Variants in NAALADL2 observed in about 807,000 individuals in gnomAD.
NAALADL2 encodes N-acetylated alpha-linked acidic dipeptidase like 2.
A neutral mutation model predicts 87.2 loss-of-function variants in NAALADL2; 76 were observed. That is an observed-to-expected ratio of 0.87 (90% CI 0.72 to 1.05). The LOEUF (loss-of-function observed/expected upper bound fraction) is 1.05. Ranked by LOEUF, NAALADL2 falls within the 50% of genes least tolerant of loss-of-function variation. The probability of loss-of-function intolerance (pLI) is 0.00; values close to 1 mark genes in which losing one functional copy is unlikely to be tolerated. For synonymous variants in NAALADL2, 354 were observed against 331.0 expected (o/e 1.07, Z -0.75); for missense variants, 1,089 against 945.8 (o/e 1.15, Z -1.99).
intron 11 of NAALADL2, among the ~76,000 whole-genome samples, chr3:175,660,910 A>G (rs796557860): frequency 4.6e-5 from 7 of 152,152 alleles, no homozygotes; most frequent in African/African-American, 1.7e-4. Flanking sequence ...CTGTTGATGG[A>G]CACTTGATTC....
chr3:175,442,648 C>T (rs945077925), intron 5 of NAALADL2, among the ~76,000 whole-genome samples: 6 of 152,160 alleles, frequency 3.9e-5, no homozygotes, highest in African/African-American at 1.2e-4. Context: ...CCAATTTTCT[C>T]ATTATACTAT....
chr3:175,203,572 C>A (rs1405154831), intron 2 of NAALADL2, among the ~76,000 whole-genome samples: 2 of 151,898 alleles, frequency 1.3e-5, no homozygotes, highest in Non-Finnish European at 2.9e-5. Context: ...TTTGTTCTTG[C>A]AGTTGATCTG....
chr3:175,686,788 A>G (rs1736357727), intron 11 of NAALADL2, among the ~76,000 whole-genome samples: 1 of 152,156 alleles, frequency 6.6e-6, no homozygotes, highest in Non-Finnish European at 1.5e-5. Flanking sequence ...TGCAAAATAT[A>G]TTGCTTAAAC....
chr3:175,046,573 A>G (rs1386133653), intron 1 of NAALADL2, among the ~76,000 whole-genome samples: 2 of 152,186 alleles, frequency 1.3e-5, no homozygotes, highest in East Asian at 3.9e-4. Context: ...GAAGTTTCTC[A>G]GAGGATAATG....
intron 1 of NAALADL2, among the ~76,000 whole-genome samples, chr3:175,041,967 A>G (rs1197322877): frequency 2.0e-5 from 3 of 152,220 alleles, no homozygotes; most frequent in East Asian, 1.9e-4. Context: ...TTATATTTCA[A>G]CTGTACAAAA....
chr3:175,195,940 A>C (rs1471776937), intron 2 of NAALADL2, among the ~76,000 whole-genome samples: 1 of 151,880 alleles, frequency 6.6e-6, no homozygotes, highest in Non-Finnish European at 1.5e-5. Flanking sequence ...TGACCCACTG[A>C]TCTAGAGACT....
At chr3:175,134,819 T>G (rs2108672026) in intron 2 of NAALADL2, among the ~76,000 whole-genome samples, 1 of 152,322 alleles carries the variant, frequency 6.6e-6, no homozygotes, top group East Asian at 1.9e-4. Context: ...CTACCTTCTT[T>G]GTCTTGGCTC....
At chr3:174,946,425 T>C (rs561855571) in intron 1 of NAALADL2, among the ~76,000 whole-genome samples, 12 of 152,232 alleles carry the variant, frequency 7.9e-5, no homozygotes, top group Admixed American at 7.9e-4. Flanking sequence ...TTGGCCAAAG[T>C]GTAATGTTTA....
chr3:174,792,831 T>C (rs947800286), intron 3 of NAALADL2, among the ~76,000 whole-genome samples: 1 of 152,296 alleles, frequency 6.6e-6, no homozygotes, highest in East Asian at 1.9e-4. Context: ...GTAGCAAGCA[T>C]AGATGGAATA....
intron 13 of NAALADL2, among the ~76,000 whole-genome samples, chr3:175,798,669 A>G (rs1327282622): frequency 6.6e-6 from 1 of 151,974 alleles, no homozygotes; most frequent in African/African-American, 2.4e-5. Flanking sequence ...TAATCATTCT[A>G]ATTTCTTGTG....
intron 1 of NAALADL2, chr3:174,864,136 G>A (rs1726849562): frequency 2.2e-6 from 1 of 450,138 alleles, no homozygotes; most frequent in Non-Finnish European, 4.5e-6. Flanking sequence ...TGCATGTGAA[G>A]ATGGACTGGG....
chr3:175,536,018 C>A (rs1286928253), intron 9 of NAALADL2, among the ~76,000 whole-genome samples: 1 of 152,124 alleles, frequency 6.6e-6, no homozygotes, highest in Non-Finnish European at 1.5e-5. Flanking sequence ...TATCCCAGAT[C>A]GATCTGATAA....
chr3:175,026,066 C>G (rs917422428), intron 1 of NAALADL2, among the ~76,000 whole-genome samples: 1 of 152,080 alleles, frequency 6.6e-6, no homozygotes, highest in Non-Finnish European at 1.5e-5. Flanking sequence ...TTGCCTTGGC[C>G]TCCCAAAATG....
intron 1 of NAALADL2, among the ~76,000 whole-genome samples, chr3:175,008,579 A>G (rs1282473405): frequency 1.3e-5 from 2 of 152,174 alleles, no homozygotes; most frequent in Non-Finnish European, 2.9e-5. Context: ...GAAGTTTCTT[A>G]TACTAAGTAA....
intron 3 of NAALADL2, among the ~76,000 whole-genome samples, chr3:174,847,043 G>C (rs1724701725): frequency 6.6e-6 from 1 of 152,072 alleles, no homozygotes; most frequent in South Asian, 2.1e-4. Flanking sequence ...AAAATGTGTT[G>C]GTGGAAACAA....
At chr3:175,077,748 T>C (rs188054073) in intron 1 of NAALADL2, among the ~76,000 whole-genome samples, 298 of 152,268 alleles carry the variant, frequency 2.0e-3, no homozygotes, top group African/African-American at 6.9e-3. Context: ...ATATCCTATA[T>C]ATAATGTTTT....
chr3:174,775,387 A>G lies in NAALADL2; in HGVS notation c.-9+37641A>G, dbSNP rs75783153. 5.7e-4 allele frequency among the ~76,000 whole-genome samples: 87 copies of G among 152,252 alleles called. No individual in the cohort carries two copies. In the East Asian group the frequency reaches 7.1e-3, roughly 12 times the overall value. On this transcript the variant is annotated intron_variant, in intron 3 of 3. Transcript: ENST00000434257. Reference sequence around the variant, plus strand: ...TCTGGATATTCATAAAAGTGGAATAACAATACAATATGCAGTCTTTGTTGG... The same window carrying G: ...TCTGGATATTCATAAAAGTGGAATAGCAATACAATATGCAGTCTTTGTTGG...
At chr3:174,969,682 T>G (rs1014060459) in intron 1 of NAALADL2, among the ~76,000 whole-genome samples, 3 of 152,176 alleles carry the variant, frequency 2.0e-5, no homozygotes, top group Admixed American at 2.0e-4. Flanking sequence ...AAATTCTCCC[T>G]GCTTCATTAA....
intron 2 of NAALADL2, among the ~76,000 whole-genome samples, chr3:175,110,947 C>T (rs946517837): frequency 2.6e-5 from 4 of 151,528 alleles, no homozygotes; most frequent in African/African-American, 9.7e-5. Context: ...CAGAGGGTTC[C>T]TGGAATAAGT....
Sources: allele counts gnomAD v4.1 joint callset (sites outside exome capture counted in the v4.1 genomes callset), GRCh38; gene constraint gnomAD v4.1.1; transcripts MANE v1.5; gene names NCBI Gene and HGNC (gene_info 2026-07-23, HGNC 2026-07-21).